Variants in SCRIB observed in about 807,000 individuals in gnomAD.
The protein encoded by SCRIB is scribble planar cell polarity protein.
A neutral mutation model predicts 170.0 loss-of-function variants in SCRIB; 72 were observed. The observed-to-expected ratio is 0.42, with a 90% confidence interval of 0.35 to 0.52. The LOEUF (loss-of-function observed/expected upper bound fraction) is 0.52. Among genes scored for constraint, SCRIB ranks in the 20% least tolerant of loss-of-function variants. The probability of loss-of-function intolerance (pLI) is 0.02; values close to 1 mark genes in which losing one functional copy is unlikely to be tolerated. For missense variants in SCRIB, 2,475 were observed against 2,338.5 expected (o/e 1.06, Z -1.20); for synonymous variants, 1,298 against 1,044.3 (o/e 1.24, Z -4.68).
At position 143,803,482 on chromosome 8, in the gene SCRIB, C is replaced by T; in HGVS notation, c.3504G>A (p.Leu1168=). The T allele has an allele frequency of 6.2e-7, 1 of 1,600,820 alleles. No homozygotes were observed. Among genetic ancestry groups the T allele is most frequent in the Non-Finnish European group, 8.5e-7 (1 of 1,179,228 alleles). ...GCAGCTGCACCGCCTCGCCGTGCGT[C>T]AGGCCCAGCAGGCTCTGCTGGTTCA... ...LEVNQQSLLG[L]THGEAVQLLR... The change falls in exon 24 of 37, where the codon CTG becomes CTA. Residue 1168 remains leucine, a synonymous_variant. Transcript: ENST00000356994.
In SCRIB at chr8:143,811,181, C is replaced by T. The variant is rs200653689; in HGVS notation, c.1071G>A (p.Thr357=). Residue 357 remains threonine (T), a synonymous_variant, in exon 10 of 37, where the codon ACG becomes ACA. Transcript: ENST00000356994. ...CCACGTCCAGCACGTGCAGCTCTGT[C>T]GTGTGGGCCAGCTCTGGTGGCAGGA... ...LAVLPPELAH[T]TELHVLDVAG... 12 of 1,610,444 alleles carry T rather than the reference C, an allele frequency of 7.5e-6. No homozygotes were observed. The African/African-American group carries it at 8.0e-5, about 11-fold the overall frequency.
In SCRIB at chr8:143,812,913, G is replaced by C; in HGVS notation, c.691C>G (p.Arg231Gly). ...RLVCLDVSEN[R>G]LEELPAELGG... Reference sequence around the variant, plus strand: ...AGCTCAGCAGGCAGCTCCTCCAGCCGGTTTTCCGACACGTCCAGGCACACC... The same window carrying C: ...AGCTCAGCAGGCAGCTCCTCCAGCCCGTTTTCCGACACGTCCAGGCACACC... The change falls in exon 8 of 37, where the codon CGG (arginine) becomes GGG (glycine). Residue 231 changes from arginine to glycine, a missense_variant. By Grantham distance (125) the Arg-to-Gly change is moderately radical (BLOSUM62 -2). Around this residue, in one of 3 missense-constraint regions of SCRIB, gnomAD observed 487 missense variants for 558.1 expected, o/e 0.87. Transcript: ENST00000356994. 1 of 1,612,296 alleles carries C rather than the reference G, an allele frequency of 6.2e-7. No homozygotes were observed. Among genetic ancestry groups the C allele is most frequent in the Non-Finnish European group, 8.5e-7 (1 of 1,179,892 alleles).
chr8:143,804,708 T>A lies in SCRIB; in HGVS notation c.2869A>T (p.Ser957Cys). 1.3e-6 allele frequency: 2 copies of A among 1,582,650 alleles called. No homozygotes were observed. Among genetic ancestry groups the A allele is most frequent in the South Asian group, 1.2e-5 (1 of 85,902 alleles). ...GGGGGTGAGGAATGTGGCAGAGGGC[T>A]GGGAGGAAGAGGGCCCCCAGCCTCC... ...EREAGGPLPP[S>C]PLPHSSPPTA... The change falls in exon 21 of 37, where the codon AGC becomes TGC. Residue 957 changes from serine (S) to cysteine (C), a missense_variant. Coordinates refer to ENST00000356994, the MANE Select transcript of SCRIB (RefSeq NM_182706.5).
chr8:143,799,609 G>A (rs1477517105), intron 24 of SCRIB, among the ~76,000 whole-genome samples: 3 of 152,188 alleles, frequency 2.0e-5, no homozygotes, highest in East Asian at 1.9e-4. Flanking sequence ...GAGGCAGGTC[G>A]TTACTGAATC....
At chr8:143,808,304 A>T (rs1554637088) in intron 15 of SCRIB, among the ~76,000 whole-genome samples, 1 of 152,086 alleles carries the variant, frequency 6.6e-6, no homozygotes, top group African/African-American at 2.4e-5. Context: ...GACCAACGCC[A>T]GGGCAGGCCT....
chr8:143,815,528 TG>T lies in SCRIB; in HGVS notation c.-157del. 2 of 980,058 alleles carry T rather than the reference TG, an allele frequency of 2.0e-6. No homozygotes were observed. Among genetic ancestry groups the T allele is most frequent in the Non-Finnish European group, 2.4e-6 (2 of 828,558 alleles). The allele number at this position is 980,058 out of a possible 1,614,324, so 60.7% of individuals were successfully genotyped here. A position where few individuals can be genotyped will look rare whatever the true frequency, so the allele number is the denominator to read the frequency against. On this transcript the variant is annotated 5_prime_UTR_variant, in exon 1 of 37. Transcript: ENST00000356994. ...ACGGGGACGCGGCCGCGGCCGGCGC[TG>T]GGCCCGGCCCGCGCTCGGAACGCTC...
At position 143,803,712 on chromosome 8, in the gene SCRIB, C is replaced by T. The variant is rs1815276433; in HGVS notation, c.3349G>A (p.Gly1117Arg). ...PGERLGISIR[G>R]GARGHAGNPR... is the part of the protein sequence containing the mutation. ...TTGCCAGCGTGGCCCCTGGCACCCC[C>T]GCGGATGCTGATGCCCAGCCTCTCC... is the stretch of plus-strand genomic sequence containing the variant. The change falls in exon 23 of 37, where the codon GGG (glycine) becomes AGG (arginine). Residue 1117 changes from glycine (G) to arginine (R), a missense_variant. By Grantham distance (125) the Gly-to-Arg change is moderately radical. This residue lies in a region of SCRIB where 1,966 missense variants were observed against 1,742.9 expected (regional missense o/e 1.13). Transcript: ENST00000356994. 8.8e-6 allele frequency: 14 copies of T among 1,589,308 alleles called. No homozygotes were observed. Among genetic ancestry groups the T allele is most frequent in the South Asian group, 1.1e-5 (1 of 89,016 alleles).
At position 143,812,827 on chromosome 8, in the gene SCRIB, G is replaced by C. The variant is rs1418971456; in HGVS notation, c.777C>G (p.Pro259=). Residue 259 remains proline, a synonymous_variant, in exon 8 of 37, where the codon CCC becomes CCG. Coordinates refer to ENST00000356994, the MANE Select transcript of SCRIB (RefSeq NM_182706.5). ...LLSQNLLRRL[P]DGIGQLKQLS... is the part of the protein sequence containing the mutation. Reference sequence around the variant, plus strand: ...CCCAGGCACACTAACCGATGCCGTCGGGCAGCCTCCGCAGCAGGTTCTGGG... The same window carrying C: ...CCCAGGCACACTAACCGATGCCGTCCGGCAGCCTCCGCAGCAGGTTCTGGG... 1 of 1,599,994 alleles carries C rather than the reference G, an allele frequency of 6.3e-7. No individual in the cohort carries two copies. Among genetic ancestry groups the C allele is most frequent in the Non-Finnish European group, 8.5e-7 (1 of 1,178,548 alleles).
rs781950963 is a variant in SCRIB at position 143,806,313 on chromosome 8, G to A, written c.2346+94C>T. On this transcript the variant is annotated intron_variant, in intron 18 of 36. Coordinates refer to ENST00000356994, the MANE Select transcript of SCRIB (RefSeq NM_182706.5). ...GTCCTGTGCTTGGAACTCTTGGGGA[G>A]GCCGGGAGAAGGCAGCCAAGCACCC... 6 of 977,290 alleles carry A rather than the reference G, an allele frequency of 6.1e-6. No individual in the cohort carries two copies. The South Asian group carries it at 8.6e-5, about 14-fold the overall frequency. 60.5% of individuals were successfully genotyped at this position (977,290 alleles called of 1,614,324 possible).
Position 143,800,928 on chromosome 8 carries a change from G to A in SCRIB, c.3603+2455C>T, listed in dbSNP as rs557121540. ...AATCCCAGAATTCCAGTCGGTTTCTGCACAGAACTTGGCAGGTTCATTCGT... is the reference window on the plus strand; with the variant it reads ...AATCCCAGAATTCCAGTCGGTTTCTACACAGAACTTGGCAGGTTCATTCGT... On this transcript the variant is annotated intron_variant, in intron 24 of 36. Transcript: ENST00000356994. Among the ~76,000 whole-genome samples the A allele has an allele frequency of 3.5e-4, 53 of 151,906 alleles. No individual in the cohort carries two copies. The South Asian group carries it at 5.4e-3, about 16-fold the overall frequency.
chr8:143,812,177 C>A lies in SCRIB; in HGVS notation c.906+89G>T, dbSNP rs200137501. The A allele has an allele frequency of 1.8e-3, 1,569 of 878,808 alleles. 3 individuals carry two copies. The highest frequency in any genetic ancestry group is 3.0e-3 in the Admixed American group (175 of 58,806). The allele number at this position is 878,808 out of a possible 1,614,324, so 54.4% of individuals were successfully genotyped here. Reference sequence around the variant, plus strand: ...GCTCCACGTCAGGCTGCCACCAGCACCCCCCAGCAGCAGACACAGGCTGAT... The same window carrying A: ...GCTCCACGTCAGGCTGCCACCAGCAACCCCCAGCAGCAGACACAGGCTGAT... On this transcript the variant is annotated intron_variant, in intron 9 of 36. Coordinates refer to ENST00000356994, the MANE Select transcript of SCRIB (RefSeq NM_182706.5).
At chr8:143,799,280 G>A (rs572425259) in intron 24 of SCRIB, among the ~76,000 whole-genome samples, 2 of 152,352 alleles carry the variant, frequency 1.3e-5, no homozygotes, top group South Asian at 2.1e-4. Flanking sequence ...CTTCCTGAGA[G>A]CGTAAATCGA....
At chr8:143,794,517 G>A (rs554590466) in intron 27 of SCRIB, among the ~76,000 whole-genome samples, 1 of 152,252 alleles carries the variant, frequency 6.6e-6, no homozygotes, top group African/African-American at 2.4e-5. Flanking sequence ...CTTGGGCAAG[G>A]GCCTGCAGGA....
chr8:143,813,670 A>G lies in SCRIB; in HGVS notation c.413T>C (p.Val138Ala), dbSNP rs766152141. 8.1e-6 allele frequency: 13 copies of G among 1,613,458 alleles called. No homozygotes were observed. In the African/African-American group the frequency reaches 1.5e-4, roughly 18 times the overall value. Reference sequence around the variant, plus strand: ...GTCCCCGGGCAGTGCCTGCAGAGACACATCATTCAGGGCCAGGTGAGCCAG... The same window carrying G: ...GTCCCCGGGCAGTGCCTGCAGAGACGCATCATTCAGGGCCAGGTGAGCCAG... Reference protein sequence around the residue: ...RSLAHLALNDVSLQALPGDVG... With the variant: ...RSLAHLALNDASLQALPGDVG... Residue 138 changes from valine (V) to alanine (A), a missense_variant, in exon 4 of 37, where the codon GTG becomes GCG. By Grantham distance (64) the Val-to-Ala change is moderately conservative. This residue lies in a region of SCRIB where 487 missense variants were observed against 558.1 expected (regional missense o/e 0.87). Transcript: ENST00000356994.
chr8:143,797,896 CAG>C (rs1443371265), intron 24 of SCRIB, among the ~76,000 whole-genome samples: 1 of 152,268 alleles, frequency 6.6e-6, no homozygotes, highest in Non-Finnish European at 1.5e-5. Flanking sequence ...GGCTGAGTGT[CAG>C]AGGTTCTTTG....
Position 143,815,392 on chromosome 8 carries a change from G to A in SCRIB, c.-20C>T. 7.8e-7 allele frequency: 1 copy of A among 1,290,270 alleles called. No homozygotes were observed. Among genetic ancestry groups the A allele is most frequent in the Non-Finnish European group, 9.9e-7 (1 of 1,013,122 alleles). The allele number at this position is 1,290,270 out of a possible 1,614,324, so 79.9% of individuals were successfully genotyped here. On this transcript the variant is annotated 5_prime_UTR_variant, in exon 1 of 37. Transcript: ENST00000356994. ...GAGCATGGTGCGGGTGGGCGGCGCG[G>A]GCTCCGGCGGCGGCGCTCGGCGGGC...
chr8:143,793,922 G>A lies in SCRIB; in HGVS notation c.3887C>T (p.Pro1296Leu), dbSNP rs782063825. 5 of 1,613,536 alleles carry A rather than the reference G, an allele frequency of 3.1e-6. No individual in the cohort carries two copies. Among genetic ancestry groups the A allele is most frequent in the South Asian group, 1.1e-5 (1 of 91,064 alleles). The change falls in exon 28 of 37, where the codon CCC becomes CTC. Residue 1296 changes from proline (P) to leucine (L), a missense_variant. Physicochemically the swap from Pro to Leu is moderately conservative, Grantham distance 98. Around this residue, in one of 3 missense-constraint regions of SCRIB, gnomAD observed 1,966 missense variants for 1,742.9 expected, o/e 1.13. Transcript: ENST00000356994. ...CACCTGCTGGCCACTAGGGGAGCAG[G>A]GAGATTCAGCCATCTTCCCTCCAGC... Reference protein sequence around the residue: ...GAAGGKMAESPCSPSGQQPPS... With the variant: ...GAAGGKMAESLCSPSGQQPPS...
intron 16 of SCRIB, among the ~76,000 whole-genome samples, 185 bp from the exon 17 acceptor site, chr8:143,807,198 C>T (rs557092996): frequency 6.6e-6 from 1 of 152,258 alleles, no homozygotes; most frequent in Non-Finnish European, 1.5e-5. Context: ...AAGACCCCAG[C>T]AGGAGGGCAC....
At chr8:143,807,474 G>A (rs573344121) in intron 16 of SCRIB, 78 bp downstream of exon 16, 230 of 1,138,664 alleles carry the variant, frequency 2.0e-4, no homozygotes, top group Non-Finnish European at 2.8e-4. Context: ...CAACAGGGGC[G>A]GGGAGAGGCG....
Sources: gnomAD v4.1 joint callset for allele counts (sites outside exome capture counted in the v4.1 genomes callset) on GRCh38, gnomAD v4.1.1 for gene constraint, gnomAD v4.1.1 regional missense constraint, MANE v1.5 for transcripts, NCBI Gene and HGNC (gene_info 2026-07-23, HGNC 2026-07-21) for gene names.